PTPRD: variants seen among roughly 807,000 people sequenced by gnomAD.
PTPRD encodes receptor-type tyrosine-protein phosphatase delta.
Under a neutral mutation model 214.5 loss-of-function variants are expected in PTPRD, and 34 were observed. That is an observed-to-expected ratio of 0.16 (90% CI 0.12 to 0.21). The LOEUF (loss-of-function observed/expected upper bound fraction) is 0.21. PTPRD is among the 10% of genes least tolerant of loss of function. The pLI, the probability that PTPRD is intolerant of heterozygous loss-of-function variation, is 1.00. For missense variants in PTPRD, 2,545 were observed against 2,398.7 expected (o/e 1.06, Z -1.27); for synonymous variants, 1,128 against 845.7 (o/e 1.33, Z -5.79).
chr9:9,637,042 C>T (rs10977904), intron 7 of PTPRD, among the ~76,000 whole-genome samples: 21,530 of 152,006 alleles, frequency 0.14, 2,074 homozygotes, highest in African/African-American at 0.27. Context: ...GGAATTCATT[C>T]ATTCACAAAG....
chr9:8,599,613 CTTTTTTTTTTT>C (rs1172437057), intron 14 of PTPRD, among the ~76,000 whole-genome samples: 5 of 53,442 alleles, frequency 9.4e-5, no homozygotes, highest in East Asian at 1.3e-3. Context: ...CCCGCCCACC[CTTTTTTTTTTT>C]TTTTTTTTTT....
intron 3 of PTPRD, among the ~76,000 whole-genome samples, chr9:10,107,976 A>AC (rs1483197798): frequency 6.6e-6 from 1 of 152,070 alleles, no homozygotes; most frequent in African/African-American, 2.4e-5. Context: ...GATACGGGTG[A>AC]TTCTCTGCAC....
chr9:10,085,314 G>A (rs2098316110), intron 3 of PTPRD, among the ~76,000 whole-genome samples: 1 of 151,768 alleles, frequency 6.6e-6, no homozygotes, highest in African/African-American at 2.4e-5. Flanking sequence ...TTAAGTTCCT[G>A]ATTAACATTG....
intron 3 of PTPRD, among the ~76,000 whole-genome samples, chr9:10,264,524 T>C (rs965971883): frequency 1.3e-5 from 2 of 152,168 alleles, no homozygotes; most frequent in African/African-American, 4.8e-5. Flanking sequence ...TTTAGTCCCT[T>C]TGTTTTGGCC....
At chr9:10,259,301 G>A (rs1052468449) in intron 3 of PTPRD, among the ~76,000 whole-genome samples, 2 of 152,176 alleles carry the variant, frequency 1.3e-5, no homozygotes, top group Non-Finnish European at 2.9e-5. Context: ...TGGGATTACA[G>A]GCGTGAGCCA....
At chr9:8,333,797 G>A (rs1178115253) in intron 43 of PTPRD, among the ~76,000 whole-genome samples, 1 of 151,632 alleles carries the variant, frequency 6.6e-6, no homozygotes, top group Non-Finnish European at 1.5e-5. Context: ...CACACGCAGA[G>A]ATACACATAG....
chr9:9,976,669 G>A (rs2095363836), intron 4 of PTPRD, among the ~76,000 whole-genome samples: 1 of 97,290 alleles, frequency 1.0e-5, no homozygotes, highest in Admixed American at 1.3e-4. Context: ...TTACAGGTGT[G>A]AGCCACTACA....
At chr9:8,506,096 T>A (rs758678454) in intron 22 of PTPRD, among the ~76,000 whole-genome samples, 3 of 152,238 alleles carry the variant, frequency 2.0e-5, no homozygotes, top group Admixed American at 1.3e-4. Flanking sequence ...TTCAAACAGA[T>A]GGAATAAAAC....
intron 3 of PTPRD, among the ~76,000 whole-genome samples, chr9:10,163,769 G>A (rs138421802): frequency 2.0e-5 from 3 of 151,480 alleles, no homozygotes; most frequent in East Asian, 3.9e-4. Flanking sequence ...AAAATCAAGT[G>A]TACCTGGATA....
chr9:10,453,883 GA>G (rs970979098), intron 2 of PTPRD, among the ~76,000 whole-genome samples: 9 of 151,464 alleles, frequency 5.9e-5, no homozygotes, highest in Admixed American at 2.6e-4. Context: ...CTAGATATTA[GA>G]AAAAAAGCTT....
chr9:10,340,301 T>A (rs887145865), intron 3 of PTPRD, among the ~76,000 whole-genome samples: 3 of 151,822 alleles, frequency 2.0e-5, no homozygotes, highest in Non-Finnish European at 4.4e-5. Flanking sequence ...TAGCTGGGAG[T>A]CAATAGCAAA....
At chr9:10,282,429 C>A (rs1205628925) in intron 3 of PTPRD, among the ~76,000 whole-genome samples, 3 of 152,058 alleles carry the variant, frequency 2.0e-5, no homozygotes, top group Non-Finnish European at 4.4e-5. Flanking sequence ...ACAAGATAAG[C>A]CTTCAGTCTT....
intron 10 of PTPRD, among the ~76,000 whole-genome samples, chr9:9,111,364 C>T (rs1323203899): frequency 6.6e-6 from 1 of 150,448 alleles, no homozygotes. Context: ...TCCAGTGAGT[C>T]TAAGTCTTTA....
intron 10 of PTPRD, among the ~76,000 whole-genome samples, chr9:9,048,742 G>A (rs1051006932): frequency 1.3e-5 from 2 of 152,080 alleles, no homozygotes; most frequent in Admixed American, 1.3e-4. Context: ...AATAAGACCT[G>A]CTATTTGATA....
chr9:9,386,291 T>A (rs2063844406), intron 9 of PTPRD, among the ~76,000 whole-genome samples: 1 of 152,126 alleles, frequency 6.6e-6, no homozygotes. Context: ...ATTCATCACC[T>A]AGGGTTGCTG....
intron 7 of PTPRD, among the ~76,000 whole-genome samples, chr9:9,646,713 T>C (rs910521699): frequency 6.6e-6 from 1 of 152,178 alleles, no homozygotes; most frequent in Non-Finnish European, 1.5e-5. Context: ...TGCCTGAAAC[T>C]GCAGATAGTA....
chr9:9,671,388 T>C (rs902246033), intron 7 of PTPRD, among the ~76,000 whole-genome samples: 2 of 152,182 alleles, frequency 1.3e-5, no homozygotes, highest in Non-Finnish European at 2.9e-5. Context: ...AGAAGGGATT[T>C]GTCTTGTCTC....
intron 11 of PTPRD, among the ~76,000 whole-genome samples, chr9:8,796,816 T>C (rs1179766419): frequency 6.6e-6 from 1 of 152,158 alleles, no homozygotes; most frequent in Non-Finnish European, 1.5e-5. Flanking sequence ...AAATAAAGGA[T>C]AACAAACACT....
intron 39 of PTPRD, among the ~76,000 whole-genome samples, chr9:8,355,161 A>G (rs556695435): frequency 6.6e-6 from 1 of 151,996 alleles, no homozygotes; most frequent in East Asian, 1.9e-4. Context: ...TTTACATGAG[A>G]ACTGATTGTT....
Sources: allele counts gnomAD v4.1 joint callset (sites outside exome capture counted in the v4.1 genomes callset), GRCh38; gene constraint gnomAD v4.1.1; transcripts MANE v1.5; gene names NCBI Gene and HGNC (gene_info 2026-07-23, HGNC 2026-07-21).